Variants in PGLS observed in about 807,000 individuals in gnomAD.
PGLS encodes 6-phosphogluconolactonase, also known as epididymis secretory protein Li 304.
A neutral mutation model predicts 23.2 loss-of-function variants in PGLS; 21 were observed. The ratio of observed to expected loss-of-function variants is 0.91; its 90% confidence interval spans 0.64 to 1.31. PGLS has a LOEUF of 1.31. Ranked by LOEUF, PGLS falls within the 50% of genes most tolerant of loss-of-function variation. The probability of loss-of-function intolerance (pLI) is 0.00; values close to 1 mark genes in which losing one functional copy is unlikely to be tolerated. For synonymous variants in PGLS, 179 were observed against 165.4 expected (o/e 1.08, Z -0.63); for missense variants, 410 against 354.0 (o/e 1.16, Z -1.27).
intron 1 of PGLS, among the ~76,000 whole-genome samples, chr19:17,514,760 C>G (rs1288515640): frequency 6.6e-6 from 1 of 152,130 alleles, no homozygotes; most frequent in Non-Finnish European, 1.5e-5. Flanking sequence ...TCAAGTGATT[C>G]TCCTGCCTCA....
rs1408380338 is a variant in PGLS at position 17,517,368 on chromosome 19, C to T, written c.477C>T (p.Phe159=). Residue 159 remains phenylalanine, a synonymous_variant, in exon 3 of 5, where the codon TTC becomes TTT. Coordinates refer to ENST00000252603, the MANE Select transcript of PGLS (RefSeq NM_012088.3). ...CCGATGGTCACACCTGCTCACTCTT[C>T]CCAGACCACCCCCTCCTACAGGTGA... The part of the protein sequence containing the change: ...VGPDGHTCSL[F]PDHPLLQERE... 1 of 1,613,402 alleles carries T rather than the reference C, an allele frequency of 6.2e-7. No individual in the cohort carries two copies. The highest frequency in any genetic ancestry group is 8.5e-7 in the Non-Finnish European group (1 of 1,179,424).
chr19:17,514,932 A>ATG lies in PGLS; in HGVS notation c.289-1240_289-1239dup, dbSNP rs1568432365. On this transcript the variant is annotated intron_variant, in intron 1 of 4. Transcript: ENST00000252603. ...CTCCCAAAGTGCTGGGATTACAGGC[A>ATG]TGAGCCACCGTGCCAGGCCGCTAAT... 8.5e-3 allele frequency among the ~76,000 whole-genome samples: 1,298 copies of ATG among 152,050 alleles called. 14 individuals are homozygous for ATG. Among genetic ancestry groups the ATG allele is most frequent in the African/African-American group, 0.029 (1,183 of 41,476 alleles).
In PGLS at chr19:17,517,326, G is replaced by A; in HGVS notation, c.435G>A (p.Leu145=). 2 of 1,614,014 alleles carry A rather than the reference G, an allele frequency of 1.2e-6. No homozygotes were observed. Among genetic ancestry groups the A allele is most frequent in the Non-Finnish European group, 1.7e-6 (2 of 1,179,968 alleles). ...ACTCCATCCCGGTTTTCGACCTGCT[G>A]ATCCTGGGGGTGGGCCCCGATGGTC... ...QGDSIPVFDL[L]ILGVGPDGHT... The change falls in exon 3 of 5, where the codon CTG becomes CTA. Residue 145 remains leucine (L), a synonymous_variant. Coordinates refer to ENST00000252603, the MANE Select transcript of PGLS (RefSeq NM_012088.3).
chr19:17,514,932 A>G (rs530012537), intron 1 of PGLS, among the ~76,000 whole-genome samples: 11 of 152,054 alleles, frequency 7.2e-5, no homozygotes, highest in Middle Eastern at 6.8e-3. Flanking sequence ...GATTACAGGC[A>G]TGAGCCACCG....
Position 17,516,810 on chromosome 19 carries a change from A to G in PGLS, c.397-478A>G, listed in dbSNP as rs2075535336. Among the ~76,000 whole-genome samples, 2 of 149,192 alleles carry G rather than the reference A, an allele frequency of 1.3e-5. 1 individual carries two copies. Among genetic ancestry groups the G allele is most frequent in the Admixed American group, 1.3e-4 (2 of 14,930 alleles). On this transcript the variant is annotated intron_variant, in intron 2 of 4. Transcript: ENST00000252603. ...CACCATGTTAGCCAGGATGGTCTCGATCTCCTGACCTCGTGATCCGCCCAC... is the reference window on the plus strand; with the variant it reads ...CACCATGTTAGCCAGGATGGTCTCGGTCTCCTGACCTCGTGATCCGCCCAC...
At chr19:17,520,364 A>G (rs956351900) in intron 4 of PGLS, 4 of 151,954 alleles carry the variant, frequency 2.6e-5, no homozygotes, top group African/African-American at 9.7e-5. Context: ...CCTGACCAAC[A>G]TGATGAAACC....
At chr19:17,512,086 G>C in intron 1 of PGLS, 126 bp downstream of exon 1, 1 of 984,354 alleles carries the variant, frequency 1.0e-6, no homozygotes, top group Non-Finnish European at 1.4e-6. Flanking sequence ...CCTCGGCTAC[G>C]GGGGCCACTG....
At chr19:17,516,555 G>T in intron 2 of PGLS, 2 of 1,115,832 alleles carry the variant, frequency 1.8e-6, no homozygotes, top group Non-Finnish European at 2.3e-6. Flanking sequence ...ATTGAGCACT[G>T]TTTCCTGCGT....
At chr19:17,517,543 T>C (rs4450527) in intron 3 of PGLS, among the ~76,000 whole-genome samples, 154 bp downstream of exon 3, 93,128 of 152,072 alleles carry the variant, frequency 0.61, 29,482 homozygotes, top group African/African-American at 0.78. Context: ...CTCAATCCTT[T>C]CAGGTCTCAG....
intron 1 of PGLS, among the ~76,000 whole-genome samples, chr19:17,515,165 G>A (rs1184199867): frequency 1.3e-5 from 2 of 152,108 alleles, no homozygotes; most frequent in Non-Finnish European, 2.9e-5. Flanking sequence ...AGGGACCTTG[G>A]ACAAAGCAGA....
At chr19:17,519,343 ACTC>A (rs1166906538) in intron 4 of PGLS, among the ~76,000 whole-genome samples, 2 of 151,328 alleles carry the variant, frequency 1.3e-5, no homozygotes, top group African/African-American at 4.9e-5. Context: ...AATGAATAAT[ACTC>A]CTTGACCTTG....
intron 1 of PGLS, among the ~76,000 whole-genome samples, chr19:17,514,335 G>T (rs769846648): frequency 6.6e-6 from 1 of 151,958 alleles, no homozygotes; most frequent in African/African-American, 2.4e-5. Flanking sequence ...ATATAAGGAC[G>T]CCAGTCATTG....
rs575582168 is a variant in PGLS at position 17,521,003 on chromosome 19, C to T, written c.699C>T (p.Thr233=). 19 of 1,600,540 alleles carry T rather than the reference C, an allele frequency of 1.2e-5. No homozygotes were observed. Among genetic ancestry groups the T allele is most frequent in the Admixed American group, 8.5e-5 (5 of 58,732 alleles). The change falls in exon 5 of 5, where the codon ACC becomes ACT. Residue 233 remains threonine, a synonymous_variant. Transcript: ENST00000252603. ...CCGCCGCCCTGGTCCAGCCCCACAC[C>T]GGGAAACTGTGCTGGTTCTTGGACG... is the stretch of plus-strand genomic sequence containing the variant. ...PLPAALVQPH[T]GKLCWFLDEA... is the part of the protein sequence containing the mutation.
At chr19:17,520,503 A>C (rs1292119169) in intron 4 of PGLS, 2 of 137,734 alleles carry the variant, frequency 1.5e-5, no homozygotes, top group African/African-American at 5.4e-5. Flanking sequence ...CCAAGATCGC[A>C]CCATCACGCC....
rs372856156 is a variant in PGLS, at chr19:17,517,311, G to A, written c.420G>A (p.Pro140=). 9.1e-5 allele frequency: 147 copies of A among 1,613,868 alleles called. No homozygotes were observed. The highest frequency in any genetic ancestry group is 3.3e-4 in the Middle Eastern group (2 of 6,054). ...LRQAFQGDSI[P]VFDLLILGVG... ...AGGCATTCCAAGGGGACTCCATCCC[G>A]GTTTTCGACCTGCTGATCCTGGGGG... The change falls in exon 3 of 5, where the codon CCG becomes CCA. Residue 140 remains proline, a synonymous_variant. Transcript: ENST00000252603.
At chr19:17,516,589 T>C (rs2075533687) in intron 2 of PGLS, 6 of 993,534 alleles carry the variant, frequency 6.0e-6, no homozygotes, top group Non-Finnish European at 7.5e-6. Context: ...ATTTCTTTTT[T>C]TTTTTTTTTC....
At chr19:17,520,350 C>T (rs2075551362) in intron 4 of PGLS, 1 of 151,820 alleles carries the variant, frequency 6.6e-6, no homozygotes, top group Non-Finnish European at 1.5e-5. Context: ...GAGTTCTAGA[C>T]CAGCCTGACC....
intron 4 of PGLS, among the ~76,000 whole-genome samples, chr19:17,519,135 G>T (rs1205146756): frequency 6.6e-6 from 1 of 151,462 alleles, no homozygotes; most frequent in Non-Finnish European, 1.5e-5. Context: ...CCAACATGGC[G>T]AAACCCTGTC....
chr19:17,521,075 T>G lies in PGLS; in HGVS notation c.771T>G (p.Thr257=), dbSNP rs763464084. The G allele has an allele frequency of 1.3e-6, 2 of 1,598,584 alleles. No individual in the cohort carries two copies. The highest frequency in any genetic ancestry group is 1.7e-6 in the Non-Finnish European group (2 of 1,171,694). Residue 257 remains threonine (T), a synonymous_variant, in exon 5 of 5, where the codon ACT becomes ACG. Transcript: ENST00000252603. ...CCGTGCCCTTCGAGAAGCATTCCAC[T>G]TTGTAGCTGGCCAGAGGGACGCCGC... The part of the protein sequence containing the change: ...LLTVPFEKHS[T]L
Sources: allele counts gnomAD v4.1 joint callset (sites outside exome capture counted in the v4.1 genomes callset), GRCh38; gene constraint gnomAD v4.1.1; transcripts MANE v1.5; gene names NCBI Gene and HGNC (gene_info 2026-07-23, HGNC 2026-07-21).